DOCK4: variants seen among roughly 807,000 people sequenced by gnomAD.
The protein encoded by DOCK4 is dedicator of cytokinesis 4, also known as dedicator of cytokinesis protein 4.
DOCK4 carries 97 observed loss-of-function variants against 268.1 expected under a neutral mutation model. The ratio of observed to expected loss-of-function variants is 0.36; its 90% CI spans 0.31 to 0.43. The LOEUF (loss-of-function observed/expected upper bound fraction) is 0.43, where lower values mean the gene tolerates loss of function less well. DOCK4 is among the 20% of genes least tolerant of loss of function. The pLI, the probability that DOCK4 is intolerant of heterozygous loss-of-function variation, is 1.00. For missense variants in DOCK4, 2,145 were observed against 2,455.7 expected, an observed-to-expected ratio of 0.87 and a Z score of 2.67; for synonymous variants, 954 against 887.2, an observed-to-expected ratio of 1.08 and a Z score of -1.34.
At chr7:111,869,473 C>T (rs892429927) in intron 21 of DOCK4, 101 bp downstream of exon 21, 7 of 967,600 alleles carry the variant, frequency 7.2e-6, no homozygotes, top group Admixed American at 3.8e-5. Flanking sequence ...GTCAGTAATA[C>T]ATCATCACCC....
At chr7:112,024,295 T>C (rs1802587080) in intron 1 of DOCK4, among the ~76,000 whole-genome samples, 1 of 152,302 alleles carries the variant, frequency 6.6e-6, no homozygotes, top group Non-Finnish European at 1.5e-5. Context: ...ATATTTCTAG[T>C]TGGAGCTTTT....
At chr7:112,015,125 T>C (rs1323504483) in intron 1 of DOCK4, among the ~76,000 whole-genome samples, 4 of 152,096 alleles carry the variant, frequency 2.6e-5, no homozygotes, top group Non-Finnish European at 5.9e-5. Context: ...TAAAATAAGA[T>C]GTGGTAAAGA....
Position 111,915,759 on chromosome 7 carries a change from G to A in DOCK4, c.1192+20C>T. On this transcript the variant is annotated intron_variant, in intron 13 of 52. Coordinates refer to ENST00000428084, the MANE Select transcript of DOCK4 (RefSeq NM_001363540.2). Reference sequence around the variant, plus strand: ...AGTATACCCATATTTCATCATATCGGTACGTCCCAAGTCACCTACCAGGCA... The same window carrying A: ...AGTATACCCATATTTCATCATATCGATACGTCCCAAGTCACCTACCAGGCA... 6.2e-7 allele frequency: 1 copy of A among 1,610,476 alleles called. No individual in the cohort carries two copies. The highest frequency in any genetic ancestry group is 1.7e-5 in the Admixed American group (1 of 59,408).
At chr7:112,015,827 T>A (rs1023725319) in intron 1 of DOCK4, among the ~76,000 whole-genome samples, 2 of 152,178 alleles carry the variant, frequency 1.3e-5, no homozygotes, top group Non-Finnish European at 2.9e-5. Flanking sequence ...GGTACTGGCA[T>A]TGTGCTAAGA....
intron 38 of DOCK4, 143 bp downstream of exon 38, chr7:111,766,887 CTA>C (rs1797791883): frequency 3.4e-6 from 2 of 588,234 alleles, no homozygotes; most frequent in South Asian, 4.7e-5. Context: ...TGCTATTTCT[CTA>C]TATAAATAGC....
At chr7:112,041,963 G>C (rs1804407001) in intron 1 of DOCK4, among the ~76,000 whole-genome samples, 1 of 152,116 alleles carries the variant, frequency 6.6e-6, no homozygotes, top group Admixed American at 6.5e-5. Context: ...CCAATGTGAA[G>C]ATGCTCCAGT....
intron 1 of DOCK4, among the ~76,000 whole-genome samples, chr7:112,032,959 A>G (rs559544346): frequency 6.6e-6 from 1 of 152,352 alleles, no homozygotes; most frequent in South Asian, 2.1e-4. Flanking sequence ...GTGCTAATTA[A>G]TTTAGCTAAC....
chr7:111,878,330 T>A (rs1341703334), intron 16 of DOCK4, among the ~76,000 whole-genome samples: 1 of 152,178 alleles, frequency 6.6e-6, no homozygotes, highest in Non-Finnish European at 1.5e-5. Flanking sequence ...AACGTAGTGA[T>A]CAGAAAATCA....
At chr7:112,010,769 C>T (rs1426286999) in intron 1 of DOCK4, among the ~76,000 whole-genome samples, 1 of 152,194 alleles carries the variant, frequency 6.6e-6, no homozygotes, top group Non-Finnish European at 1.5e-5. Flanking sequence ...CTCTTCTGGC[C>T]TATGTGACTT....
intron 1 of DOCK4, among the ~76,000 whole-genome samples, chr7:112,080,978 T>G (rs986082990): frequency 3.3e-5 from 5 of 152,066 alleles, no homozygotes; most frequent in Admixed American, 2.6e-4. Context: ...CTCAACAATA[T>G]AAAAGAAATT....
chr7:111,741,355 G>C, intron 46 of DOCK4, 141 bp from the exon 47 acceptor site: 2 of 1,420,080 alleles, frequency 1.4e-6, no homozygotes, highest in East Asian at 2.3e-5. Flanking sequence ...TCAAATGTTT[G>C]AGTTTATTTA....
At chr7:112,080,371 A>G (rs1808469840) in intron 1 of DOCK4, among the ~76,000 whole-genome samples, 1 of 152,212 alleles carries the variant, frequency 6.6e-6, no homozygotes, top group Non-Finnish European at 1.5e-5. Flanking sequence ...CCTATGTAAA[A>G]GGATAAATGT....
At chr7:111,841,575 A>C (rs1803698639) in intron 25 of DOCK4, among the ~76,000 whole-genome samples, 1 of 148,020 alleles carries the variant, frequency 6.8e-6, no homozygotes, top group Admixed American at 6.7e-5. Flanking sequence ...GAGTACTCTT[A>C]AAAAAAAAAG....
intron 1 of DOCK4, among the ~76,000 whole-genome samples, chr7:112,101,415 AC>A (rs1810666805): frequency 6.6e-6 from 1 of 152,244 alleles, no homozygotes; most frequent in African/African-American, 2.4e-5. Context: ...ATTTGTATAC[AC>A]CGTTGCTTAG....
intron 1 of DOCK4, among the ~76,000 whole-genome samples, chr7:112,157,070 C>T (rs1816676297): frequency 6.6e-6 from 1 of 152,020 alleles, no homozygotes; most frequent in African/African-American, 2.4e-5. Context: ...TTTTTCCTAT[C>T]TTCCTAGATT....
chr7:111,975,289 C>A (rs1798080402), intron 8 of DOCK4, among the ~76,000 whole-genome samples: 1 of 152,030 alleles, frequency 6.6e-6, no homozygotes, highest in African/African-American at 2.4e-5. Context: ...ACAAAAAAAA[C>A]TTTAGTTTAA....
chr7:111,956,328 C>T (rs1041805766), intron 8 of DOCK4, among the ~76,000 whole-genome samples: 5 of 152,244 alleles, frequency 3.3e-5, no homozygotes, highest in Non-Finnish European at 5.9e-5. Context: ...CATAAATAAA[C>T]ACAGAATAAG....
intron 1 of DOCK4, among the ~76,000 whole-genome samples, chr7:112,199,962 T>G (rs933900714): frequency 6.6e-6 from 1 of 152,240 alleles, no homozygotes; most frequent in African/African-American, 2.4e-5. Flanking sequence ...AAGACAGACT[T>G]TGACTTAGAC....
At chr7:112,046,384 T>C (rs1471923251) in intron 1 of DOCK4, among the ~76,000 whole-genome samples, 2 of 152,138 alleles carry the variant, frequency 1.3e-5, no homozygotes, top group Non-Finnish European at 2.9e-5. Flanking sequence ...ATTCTTATGA[T>C]AAAAGATACA....
Sources: allele counts gnomAD v4.1 joint callset (sites outside exome capture counted in the v4.1 genomes callset), GRCh38; gene constraint gnomAD v4.1.1; transcripts MANE v1.5; gene names NCBI Gene and HGNC (gene_info 2026-07-23, HGNC 2026-07-21).